UNC13C: variants seen among roughly 807,000 people sequenced by gnomAD.
UNC13C encodes the protein unc-13 homolog C.
Under a neutral mutation model 245.4 loss-of-function variants are expected in UNC13C, and 174 were observed. The observed-to-expected ratio is 0.71, with a 90% CI of 0.63 to 0.80. The LOEUF (loss-of-function observed/expected upper bound fraction) is 0.80, where lower values mean the gene tolerates loss of function less well. UNC13C is among the 30% of genes least tolerant of loss of function. UNC13C has a pLI of 0.00. For missense variants in UNC13C, 2,829 were observed against 2,602.9 expected, an observed-to-expected ratio of 1.09 and a Z score of -1.89; for synonymous variants, 992 against 895.1, an observed-to-expected ratio of 1.11 and a Z score of -1.93.
Position 54,333,043 on chromosome 15 carries a change from C to T in UNC13C, c.4495-724C>T, listed in dbSNP as rs533398754. Among the ~76,000 whole-genome samples the T allele has an allele frequency of 3.3e-5, 5 of 152,062 alleles. No homozygotes were observed. The South Asian group carries it at 8.3e-4, about 25-fold the overall frequency. ...GGGCCTGAAGCCACCTCATTCACCA[C>T]CTCATCATAGGCACACTAACCCTGT... is the stretch of plus-strand genomic sequence containing the variant. On this transcript the variant is annotated intron_variant, in intron 15 of 32. Transcript: ENST00000260323.
Position 54,525,577 on chromosome 15 carries a change from A to C in UNC13C, c.5486A>C (p.Lys1829Thr). 2 of 1,613,048 alleles carry C rather than the reference A, an allele frequency of 1.2e-6. No individual in the cohort carries two copies. The highest frequency in any genetic ancestry group is 1.7e-6 in the Non-Finnish European group (2 of 1,179,566). Residue 1829 changes from lysine to threonine, a missense_variant, in exon 25 of 33, where the codon AAA becomes ACA. Physicochemically the swap from Lys to Thr is moderately conservative, Grantham distance 78. Coordinates refer to ENST00000260323, the MANE Select transcript of UNC13C (RefSeq NM_001080534.3). ...ELDSEASTIL[K>T]ELQVKLSGVL... ...GATTCTGAAGCTAGTACTATTCTAA[A>C]AGAACTTCAGGTTAAGCTCAGTGGG...
intron 7 of UNC13C, among the ~76,000 whole-genome samples, chr15:54,244,458 C>T (rs1309481873): frequency 6.6e-6 from 1 of 152,054 alleles, no homozygotes; most frequent in African/African-American, 2.4e-5. Flanking sequence ...TATTCAGGCT[C>T]TTTTTGGTTC....
intron 7 of UNC13C, among the ~76,000 whole-genome samples, chr15:54,239,683 C>T (rs562577561): frequency 4.3e-4 from 65 of 152,242 alleles, no homozygotes; most frequent in African/African-American, 1.4e-3. Flanking sequence ...AACTCCTGGG[C>T]TCAAGCAGTT....
chr15:54,452,538 A>G (rs1291174272), intron 19 of UNC13C, among the ~76,000 whole-genome samples: 4 of 152,212 alleles, frequency 2.6e-5, no homozygotes, highest in Non-Finnish European at 4.4e-5. Flanking sequence ...GCTGGTGGAT[A>G]GGGCAGGACA....
chr15:54,189,909 T>C (rs1415165516), intron 4 of UNC13C, among the ~76,000 whole-genome samples: 2 of 152,052 alleles, frequency 1.3e-5, no homozygotes, highest in Non-Finnish European at 2.9e-5. Flanking sequence ...AAAATAGAAG[T>C]GATTTAGGTA....
At position 54,158,751 on chromosome 15, in the gene UNC13C, G is replaced by A. The variant is rs143244893; in HGVS notation, c.3071+15067G>A. ...TGCAGCTTCAACTTCTCATACTTAA[G>A]TGATCCTCCTACCTCAGCCTCCCAA... On this transcript the variant is annotated intron_variant, in intron 4 of 32. Coordinates refer to ENST00000260323, the MANE Select transcript of UNC13C (RefSeq NM_001080534.3). 2.8e-4 allele frequency among the ~76,000 whole-genome samples: 43 copies of A among 151,884 alleles called. 1 individual carries two copies. Among genetic ancestry groups the A allele is most frequent in the African/African-American group, 1.0e-3 (43 of 41,402 alleles).
At chr15:54,124,196 G>T (rs143372181) in intron 2 of UNC13C, among the ~76,000 whole-genome samples, 2 of 152,070 alleles carry the variant, frequency 1.3e-5, no homozygotes, top group African/African-American at 2.4e-5. Context: ...TTTTCATTTC[G>T]CTAGGATAAA....
chr15:54,208,506 G>A (rs1301047396), intron 4 of UNC13C, among the ~76,000 whole-genome samples: 4 of 152,130 alleles, frequency 2.6e-5, no homozygotes, highest in Non-Finnish European at 5.9e-5. Flanking sequence ...TGTGCTAGGT[G>A]TTATTCAAGG....
At chr15:54,607,972 A>C (rs1331855795) in intron 30 of UNC13C, among the ~76,000 whole-genome samples, 1 of 152,212 alleles carries the variant, frequency 6.6e-6, no homozygotes, top group Non-Finnish European at 1.5e-5. Context: ...TTTATTTCAT[A>C]ACTTCTCCTC....
chr15:54,149,503 G>A (rs1300773560), intron 4 of UNC13C, among the ~76,000 whole-genome samples: 1 of 152,014 alleles, frequency 6.6e-6, no homozygotes, highest in Non-Finnish European at 1.5e-5. Context: ...CAACTTATTT[G>A]TATTCACATT....
intron 32 of UNC13C, 83 bp from the exon 33 acceptor site, chr15:54,626,745 G>GCAGTATTGTATACAA: frequency 8.2e-7 from 1 of 1,214,036 alleles, no homozygotes; most frequent in South Asian, 1.5e-5. Flanking sequence ...AATGTATACA[G>GCAGTATTGTATACAA]TTTTCAGCAG....
At position 54,190,556 on chromosome 15, in the gene UNC13C, A is replaced by G. The variant is rs115048882; in HGVS notation, c.3072-44474A>G. ...CTTTTTTCAGTTTTTAACATAACAT[A>G]TAGGTCTTTACCTACAAATATAGAG... On this transcript the variant is annotated intron_variant, in intron 4 of 32. Transcript: ENST00000260323. Among the ~76,000 whole-genome samples the G allele has an allele frequency of 1.8e-3, 279 of 152,220 alleles. 4 individuals are homozygous for G. Among genetic ancestry groups the G allele is most frequent in the African/African-American group, 6.4e-3 (266 of 41,552 alleles).
the UNC13C span, among the ~76,000 whole-genome samples, chr15:53,850,465 G>A: frequency 6.6e-6 from 1 of 152,078 alleles, no homozygotes; most frequent in Admixed American, 6.6e-5. Context: ...ATTTAGGGGT[G>A]TATAACAACC....
the UNC13C span, among the ~76,000 whole-genome samples, chr15:53,957,064 T>G: frequency 1.3e-5 from 2 of 152,192 alleles, no homozygotes; most frequent in Non-Finnish European, 2.9e-5. Context: ...TTACTACATA[T>G]GTGTTCATTA....
intron 2 of UNC13C, among the ~76,000 whole-genome samples, chr15:54,087,127 GT>G (rs1899289364): frequency 6.6e-6 from 1 of 152,018 alleles, no homozygotes; most frequent in African/African-American, 2.4e-5. Context: ...TGATTTAGAT[GT>G]GTCATTCACC....
chr15:53,971,338 A>C, the UNC13C span, among the ~76,000 whole-genome samples: 1 of 152,336 alleles, frequency 6.6e-6, no homozygotes, highest in South Asian at 2.1e-4. Flanking sequence ...ATATAAAACT[A>C]TAAAACCCCT....
Position 54,507,198 on chromosome 15 carries a change from A to G in UNC13C, c.5379+4A>G. Reference sequence around the variant, plus strand: ...ACATTGTGATAAGGAAAATGTGGTAAGTAAAAAATGTCTCTACTTTCAAGT... The same window carrying G: ...ACATTGTGATAAGGAAAATGTGGTAGGTAAAAAATGTCTCTACTTTCAAGT... On this transcript the variant is annotated splice_donor_region_variant and intron_variant, in intron 23 of 32. Transcript: ENST00000260323. The G allele has an allele frequency of 6.4e-7, 1 of 1,570,450 alleles. No individual in the cohort carries two copies. The highest frequency in any genetic ancestry group is 2.3e-5 in the East Asian group (1 of 43,986).
intron 11 of UNC13C, among the ~76,000 whole-genome samples, chr15:54,294,320 T>C (rs923181781): frequency 7.2e-5 from 11 of 152,132 alleles, no homozygotes; most frequent in Non-Finnish European, 1.2e-4. Context: ...AAAAATGTTA[T>C]TGCATTCTTA....
chr15:54,022,605 T>C (rs1191897626), intron 2 of UNC13C, among the ~76,000 whole-genome samples: 5 of 152,244 alleles, frequency 3.3e-5, no homozygotes, highest in African/African-American at 1.2e-4. Context: ...ACTTATTTTC[T>C]TGCTATTGAC....
Sources: gnomAD v4.1 joint callset for allele counts (sites outside exome capture counted in the v4.1 genomes callset) on GRCh38, gnomAD v4.1.1 for gene constraint, MANE v1.5 for transcripts, NCBI Gene and HGNC (gene_info 2026-07-23, HGNC 2026-07-21) for gene names.